Variants in GPC3 observed in about 807,000 individuals in gnomAD.
GPC3 encodes the protein glypican-3.
In GPC3, 3 loss-of-function variants were observed where a neutral mutation model predicts 34.4. The ratio of observed to expected loss-of-function variants is 0.09; its 90% confidence interval spans 0.04 to 0.23. The LOEUF is 0.23. GPC3 is among the 10% of genes least tolerant of loss of function. The pLI, the probability that GPC3 is intolerant of heterozygous loss-of-function variation, is 1.00. For missense variants in GPC3, 351 were observed against 445.6 expected (o/e 0.79, Z 1.91); for synonymous variants, 177 against 174.0 (o/e 1.02, Z -0.13).
chrX:133,937,574 A>G (rs766779511), intron 2 of GPC3, among the ~76,000 whole-genome samples: 3 of 111,184 alleles, frequency 2.7e-5, no homozygotes, highest in Non-Finnish European at 5.7e-5. Flanking sequence ...TTTTGTAAAA[A>G]AAAAAACCTA....
intron 6 of GPC3, among the ~76,000 whole-genome samples, chrX:133,600,323 T>G (rs1387587299): frequency 8.9e-6 from 1 of 112,198 alleles, no homozygotes. Context: ...TAAACATTTT[T>G]GGAGGACCTT....
chrX:133,917,615 C>G (rs564526566), intron 2 of GPC3, among the ~76,000 whole-genome samples: 1 of 111,900 alleles, frequency 8.9e-6, no homozygotes, highest in South Asian at 3.7e-4. Flanking sequence ...TAATGAGCAC[C>G]TAAAACTAAG....
chrX:133,820,779 G>C (rs1401281243), intron 2 of GPC3, among the ~76,000 whole-genome samples: 6 of 111,822 alleles, frequency 5.4e-5, no homozygotes, highest in Admixed American at 9.5e-5. Flanking sequence ...CAGCAAAAGA[G>C]TAATCATGTC....
chrX:133,604,473 T>C (rs1021933334), intron 6 of GPC3, among the ~76,000 whole-genome samples: 1 of 111,394 alleles, frequency 9.0e-6, no homozygotes, highest in Non-Finnish European at 1.9e-5. Context: ...TCCCCAGGCT[T>C]GTCATCTACT....
intron 3 of GPC3, among the ~76,000 whole-genome samples, chrX:133,745,835 T>G (rs1000399832): frequency 6.9e-4 from 78 of 112,800 alleles, no homozygotes; most frequent in African/African-American, 2.3e-3. Flanking sequence ...TGCTTTGGCA[T>G]GTCTTAGGAA....
chrX:133,674,242 A>C (rs1364823912), intron 5 of GPC3, among the ~76,000 whole-genome samples: 1 of 110,874 alleles, frequency 9.0e-6, no homozygotes, highest in Non-Finnish European at 1.9e-5. Context: ...AAAAATAAAA[A>C]AGAGCTTCCT....
rs192463580 is a variant in GPC3, at chrX:133,949,375, C to T, written c.337+3675G>A. 3.6e-5 allele frequency among the ~76,000 whole-genome samples: 4 copies of T among 111,729 alleles called. No homozygotes were observed. In the Admixed American group the frequency reaches 3.8e-4, roughly 11 times the overall value. ...CTCTATTAAATGTCCCCAAGTGCCA[C>T]ATTTAGTGAGTTCTTGGATCCCCCC... On this transcript the variant is annotated intron_variant, in intron 2 of 7. Coordinates refer to ENST00000370818, the MANE Select transcript of GPC3 (RefSeq NM_004484.4).
At chrX:133,881,692 T>C (rs892419150) in intron 2 of GPC3, among the ~76,000 whole-genome samples, 4 of 112,036 alleles carry the variant, frequency 3.6e-5, no homozygotes, top group African/African-American at 1.3e-4. Context: ...AAGAACTAAG[T>C]CCTTTTTTTC....
Position 133,753,664 on chromosome X carries a change from C to T in GPC3, c.850G>A (p.Gly284Ser), listed in dbSNP as rs2071692255. Residue 284 changes from glycine to serine, a missense_variant, in exon 3 of 8, where the codon GGC becomes AGC. Coordinates refer to ENST00000370818, the MANE Select transcript of GPC3 (RefSeq NM_004484.4). ...ATCTCCACCACACCTGCCATACAGCCTTGCATGACCACATTGCAGTAACCG... is the reference window on the plus strand; with the variant it reads ...ATCTCCACCACACCTGCCATACAGCTTTGCATGACCACATTGCAGTAACCG... ...CGGYCNVVMQ[G>S]CMAGVVEIDK... 1 of 1,211,564 alleles carries T rather than the reference C, an allele frequency of 8.3e-7. No homozygotes were observed. The highest frequency in any genetic ancestry group is 1.1e-6 in the Non-Finnish European group (1 of 895,094).
intron 2 of GPC3, among the ~76,000 whole-genome samples, chrX:133,920,597 T>C (rs1441274811): frequency 9.0e-6 from 1 of 111,396 alleles, no homozygotes; most frequent in Admixed American, 9.6e-5. Flanking sequence ...AATACACATG[T>C]ATATTGTTAA....
chrX:133,860,179 C>G (rs1414196012), intron 2 of GPC3, among the ~76,000 whole-genome samples: 1 of 111,370 alleles, frequency 9.0e-6, no homozygotes, highest in East Asian at 2.8e-4. Flanking sequence ...ACCGCTGCAT[C>G]GTAGGATATG....
At chrX:133,901,661 A>C (rs1374438600) in intron 2 of GPC3, among the ~76,000 whole-genome samples, 1 of 110,758 alleles carries the variant, frequency 9.0e-6, no homozygotes, top group East Asian at 2.8e-4. Flanking sequence ...GGATGGTCTC[A>C]ATCTCTTGAC....
rs150055114 is a variant in GPC3, at chrX:133,892,020, T to C, written c.337+61030A>G. Among the ~76,000 whole-genome samples the C allele has an allele frequency of 4.6e-3, 502 of 109,905 alleles. 2 individuals are homozygous for C. Among genetic ancestry groups the C allele is most frequent in the African/African-American group, 0.016 (478 of 30,271 alleles). ...AGGTTGTTATGAGAATTAAATGAGA[T>C]TGTATAATTACAAGTGCCTGAAACA... On this transcript the variant is annotated intron_variant, in intron 2 of 7. Coordinates refer to ENST00000370818, the MANE Select transcript of GPC3 (RefSeq NM_004484.4).
intron 1 of GPC3, among the ~76,000 whole-genome samples, chrX:133,959,213 C>T (rs909365092): frequency 1.8e-5 from 2 of 111,731 alleles, no homozygotes; most frequent in African/African-American, 3.3e-5. Context: ...GCCCACTTCT[C>T]GCTCTTTGTT....
intron 3 of GPC3, among the ~76,000 whole-genome samples, chrX:133,718,563 T>A (rs185536355): frequency 9.0e-6 from 1 of 111,247 alleles, no homozygotes; most frequent in Non-Finnish European, 1.9e-5. Flanking sequence ...ATGACAGATA[T>A]AAATCTTACC....
Position 133,781,418 on chromosome X carries a change from G to A in GPC3, c.338-27242C>T, listed in dbSNP as rs139295596. Among the ~76,000 whole-genome samples the A allele has an allele frequency of 7.5e-3, 844 of 111,930 alleles. 10 individuals carry two copies. Among genetic ancestry groups the A allele is most frequent in the African/African-American group, 0.027 (819 of 30,808 alleles). On this transcript the variant is annotated intron_variant, in intron 2 of 7. Transcript: ENST00000370818. ...AGAGGCTAGAGCTGAGCCAGGTGTCGGGGCTCAAAATGCAGCAACTGGGGA... is the reference window on the plus strand; with the variant it reads ...AGAGGCTAGAGCTGAGCCAGGTGTCAGGGCTCAAAATGCAGCAACTGGGGA...
chrX:133,905,286 A>G (rs1277169774), intron 2 of GPC3, among the ~76,000 whole-genome samples: 1 of 112,379 alleles, frequency 8.9e-6, no homozygotes, highest in African/African-American at 3.2e-5. Flanking sequence ...ATCACTCCAA[A>G]AGAATTCTTT....
In GPC3 at chrX:133,985,493, G is replaced by A. The variant is rs2076564693; in HGVS notation, c.-44C>T. The A allele has an allele frequency of 1.8e-6, 2 of 1,128,291 alleles. No individual in the cohort carries two copies. The highest frequency in any genetic ancestry group is 2.4e-6 in the Non-Finnish European group (2 of 839,620). The allele number at this position is 1,128,291 out of a possible 1,213,427, so 93.0% of individuals were successfully genotyped here. ...AGGAGAGCGCGGGAGAGTGGCAGCC[G>A]GAGCGAGAGCAGTCCCAGGACTCGG... On this transcript the variant is annotated 5_prime_UTR_variant, in exon 1 of 8. Transcript: ENST00000370818.
chrX:133,601,373 C>T (rs1053916585), intron 6 of GPC3, among the ~76,000 whole-genome samples: 2 of 111,623 alleles, frequency 1.8e-5, no homozygotes, highest in African/African-American at 6.5e-5. Context: ...GACTTGAGTT[C>T]GAACGCTACT....
Sources: gnomAD v4.1 joint callset for allele counts (sites outside exome capture counted in the v4.1 genomes callset) on GRCh38, gnomAD v4.1.1 for gene constraint, MANE v1.5 for transcripts, NCBI Gene and HGNC (gene_info 2026-07-23, HGNC 2026-07-21) for gene names.